VCAN: variants seen among roughly 807,000 people sequenced by gnomAD.
VCAN encodes versican core protein.
In VCAN, 44 loss-of-function variants were observed where a neutral mutation model predicts 245.5. The ratio of observed to expected loss-of-function variants is 0.18; its 90% CI spans 0.14 to 0.23. The LOEUF is 0.23. Ranked by LOEUF, VCAN falls within the 10% of genes least tolerant of loss-of-function variation. VCAN has a pLI of 1.00. For missense variants in VCAN, 3,793 were observed against 4,057.9 expected, an observed-to-expected ratio of 0.93 and a Z score of 1.77; for synonymous variants, 1,413 against 1,437.0, an observed-to-expected ratio of 0.98 and a Z score of 0.38.
At chr5:83,508,382 G>A (rs1169761721) in intron 5 of VCAN, among the ~76,000 whole-genome samples, 1 of 152,150 alleles carries the variant, frequency 6.6e-6, no homozygotes, top group Non-Finnish European at 1.5e-5. Context: ...ATGTACAGAT[G>A]TCCCTGCCTT....
chr5:83,483,725 A>T (rs530719078), intron 2 of VCAN, 137 bp downstream of exon 2: 1 of 814,674 alleles, frequency 1.2e-6, no homozygotes, highest in Non-Finnish European at 2.0e-6. Flanking sequence ...ATCAGTTAAA[A>T]TATTATTGGA....
chr5:83,493,478 T>G, intron 3 of VCAN, 68 bp from the exon 4 acceptor site: 1 of 1,598,290 alleles, frequency 6.3e-7, no homozygotes, highest in Non-Finnish European at 8.6e-7. Context: ...ATTGCTCCAA[T>G]GAGAAATTTT....
At chr5:83,501,916 G>A (rs1745340331) in intron 5 of VCAN, among the ~76,000 whole-genome samples, 1 of 152,126 alleles carries the variant, frequency 6.6e-6, no homozygotes, top group South Asian at 2.1e-4. Flanking sequence ...CTTCTGATCT[G>A]TGAACCTGAG....
intron 1 of VCAN, among the ~76,000 whole-genome samples, chr5:83,477,315 A>G (rs1384939491): frequency 6.6e-6 from 1 of 152,160 alleles, no homozygotes; most frequent in Non-Finnish European, 1.5e-5. Context: ...AGAGGGGCAT[A>G]TTGTTTTAAA....
intron 7 of VCAN, among the ~76,000 whole-genome samples, chr5:83,523,992 A>AT (rs1174119416): frequency 6.6e-6 from 1 of 152,164 alleles, no homozygotes; most frequent in Non-Finnish European, 1.5e-5. Context: ...GGATATGCAG[A>AT]TTGTTTTTCA....
chr5:83,555,105 G>GCA, intron 12 of VCAN, 67 bp downstream of exon 12: 10 of 1,518,746 alleles, frequency 6.6e-6, no homozygotes, highest in Non-Finnish European at 8.2e-6. Context: ...CACTGATTGT[G>GCA]CATTACAGAG....
chr5:83,508,589 A>C (rs933484493), intron 5 of VCAN, among the ~76,000 whole-genome samples: 1 of 152,230 alleles, frequency 6.6e-6, no homozygotes, highest in Non-Finnish European at 1.5e-5. Flanking sequence ...GGAAGGCTTA[A>C]ATAGTTATTT....
chr5:83,555,287 A>T (rs527477472), intron 12 of VCAN, among the ~76,000 whole-genome samples: 1 of 152,306 alleles, frequency 6.6e-6, no homozygotes, highest in South Asian at 2.1e-4. Context: ...AGAAAACCAG[A>T]CAATTAGTAG....
chr5:83,491,876 G>A (rs182267175), intron 3 of VCAN, among the ~76,000 whole-genome samples: 4 of 152,266 alleles, frequency 2.6e-5, no homozygotes, highest in African/African-American at 9.6e-5. Flanking sequence ...TTGAAGCTTT[G>A]ATCAACATTA....
Position 83,537,987 on chromosome 5 carries a change from A to G in VCAN, c.4984A>G (p.Arg1662Gly), listed in dbSNP as rs756304378. The change falls in exon 8 of 15, where the codon AGA becomes GGA. Residue 1662 changes from arginine to glycine, a missense_variant. Arg to Gly is a moderately radical substitution (Grantham distance 125). This residue lies in a region of VCAN where 3,182 missense variants were observed against 3,250.3 expected (regional missense o/e 0.98). Coordinates refer to ENST00000265077, the MANE Select transcript of VCAN (RefSeq NM_004385.5). ...CACCATGGTAACTGATTTATCACAG[A>G]GAAATACTACTGATACACTCATTAC... is the stretch of plus-strand genomic sequence containing the variant. ...MFTMVTDLSQ[R>G]NTTDTLITLD... 8 of 1,613,876 alleles carry G rather than the reference A, an allele frequency of 5.0e-6. No homozygotes were observed. The East Asian group carries it at 1.6e-4, about 31-fold the overall frequency.
At chr5:83,486,946 TTC>T in intron 2 of VCAN, among the ~76,000 whole-genome samples, 1 of 152,354 alleles carries the variant, frequency 6.6e-6, no homozygotes, top group East Asian at 1.9e-4. Flanking sequence ...TAAGGTTTTT[TTC>T]TGTTTATTCC....
intron 9 of VCAN, among the ~76,000 whole-genome samples, chr5:83,547,440 T>G (rs1277075172): frequency 1.3e-5 from 2 of 152,158 alleles, no homozygotes; most frequent in African/African-American, 4.8e-5. Context: ...ATCCATGGAA[T>G]GTTTGGAAGT....
At chr5:83,530,718 AAGAATGGGGCCC>A (rs1274861015) in intron 7 of VCAN, among the ~76,000 whole-genome samples, 2 of 152,174 alleles carry the variant, frequency 1.3e-5, no homozygotes, top group African/African-American at 2.4e-5. Context: ...GAATAGCTCC[AAGAATGGGGCCC>A]AGGTTGGTGA....
chr5:83,532,623 G>A (rs1746563817), intron 7 of VCAN, among the ~76,000 whole-genome samples: 1 of 152,020 alleles, frequency 6.6e-6, no homozygotes, highest in Non-Finnish European at 1.5e-5. Flanking sequence ...GGGAGGCTGA[G>A]GCAGGAGGAT....
At chr5:83,528,307 AT>A (rs1746377652) in intron 7 of VCAN, among the ~76,000 whole-genome samples, 1 of 152,152 alleles carries the variant, frequency 6.6e-6, no homozygotes, top group Admixed American at 6.6e-5. Context: ...ATAGATTACA[AT>A]CCAATTATGA....
chr5:83,521,717 A>G lies in VCAN; in HGVS notation c.3411A>G (p.Glu1137=), dbSNP rs750662669. ...GPKVSLSPGP[E]QKYETEGSST... is the part of the protein sequence containing the mutation. ...AAGTATCTTTAAGTCCAGGGCCTGA[A>G]CAAAAATATGAAACAGAAGGTAGTA... Residue 1137 remains glutamate, a synonymous_variant, in exon 7 of 15, where the codon GAA becomes GAG. Transcript: ENST00000265077. The G allele has an allele frequency of 2.5e-6, 4 of 1,614,032 alleles. No homozygotes were observed. The South Asian group carries it at 4.4e-5, about 18-fold the overall frequency.
rs1388533298 is a variant in VCAN, at chr5:83,541,124, A to C, written c.8121A>C (p.Glu2707Asp). The change falls in exon 8 of 15, where the codon GAA (glutamate) becomes GAC (aspartate). Residue 2707 changes from glutamate to aspartate, a missense_variant. By Grantham distance (45) the Glu-to-Asp change is conservative (BLOSUM62 2). This residue lies in a region of VCAN where 3,182 missense variants were observed against 3,250.3 expected (regional missense o/e 0.98). Transcript: ENST00000265077. ...RKSATVIPEI[E>D]GIKAEAKALD... ...CTGCCACAGTTATTCCAGAGATTGA[A>C]GGAATAAAAGCTGAAGCAAAAGCCC... The C allele has an allele frequency of 6.2e-7, 1 of 1,614,150 alleles. No individual in the cohort carries two copies. The highest frequency in any genetic ancestry group is 2.2e-5 in the East Asian group (1 of 44,868).
chr5:83,547,733 A>G (rs1747289160), intron 9 of VCAN, among the ~76,000 whole-genome samples: 1 of 152,230 alleles, frequency 6.6e-6, no homozygotes. Flanking sequence ...AATTTAGGAA[A>G]TAACAATTCA....
At position 83,538,789 on chromosome 5, in the gene VCAN, C is replaced by T. The variant is rs1487432276; in HGVS notation, c.5786C>T (p.Pro1929Leu). ...AEIRGFSTGF[P>L]LEEDFSGDFR... ...ATAAGGGGCTTTTCCACAGGTTTTC[C>T]TTTGGAGGAAGATTTCAGTGGTGAC... The change falls in exon 8 of 15, where the codon CCT becomes CTT. Residue 1929 changes from proline to leucine, a missense_variant. Physicochemically the swap from Pro to Leu is moderately conservative, Grantham distance 98. Coordinates refer to ENST00000265077, the MANE Select transcript of VCAN (RefSeq NM_004385.5). The T allele has an allele frequency of 6.2e-7, 1 of 1,613,768 alleles. No individual in the cohort carries two copies. Among genetic ancestry groups the T allele is most frequent in the Non-Finnish European group, 8.5e-7 (1 of 1,179,954 alleles).
Sources: allele counts gnomAD v4.1 joint callset (sites outside exome capture counted in the v4.1 genomes callset), GRCh38; gene constraint gnomAD v4.1.1; regional missense constraint gnomAD v4.1.1; transcripts MANE v1.5; gene names NCBI Gene and HGNC (gene_info 2026-07-23, HGNC 2026-07-21).